LRPPRC: variants seen among roughly 807,000 people sequenced by gnomAD.
LRPPRC encodes the protein leucine-rich PPR motif-containing protein, mitochondrial.
Under a neutral mutation model 180.3 loss-of-function variants are expected in LRPPRC, and 120 were observed. The observed-to-expected ratio is 0.67, with a 90% confidence interval of 0.57 to 0.77. The LOEUF (loss-of-function observed/expected upper bound fraction) is 0.77. LRPPRC is among the 30% of genes least tolerant of loss of function. The pLI is 0.00. For missense variants in LRPPRC, 2,012 were observed against 1,657.2 expected (o/e 1.21, Z -3.72); for synonymous variants, 723 against 600.0 (o/e 1.21, Z -3.00).
chr2:43,977,970 G>A (rs1019066555), intron 3 of LRPPRC, among the ~76,000 whole-genome samples: 1 of 152,090 alleles, frequency 6.6e-6, no homozygotes, highest in African/African-American at 2.4e-5. Flanking sequence ...ACAGGCCTAT[G>A]GTTAGTATCT....
intron 14 of LRPPRC, among the ~76,000 whole-genome samples, chr2:43,953,281 G>C (rs1468256925): frequency 6.6e-6 from 1 of 152,142 alleles, no homozygotes; most frequent in Non-Finnish European, 1.5e-5. Context: ...CAAGTGCTCT[G>C]AATTAGGCAC....
intron 23 of LRPPRC, among the ~76,000 whole-genome samples, chr2:43,940,844 G>A (rs956768500): frequency 1.6e-4 from 25 of 151,870 alleles, no homozygotes; most frequent in African/African-American, 6.1e-4. Flanking sequence ...TTAATGTGAC[G>A]GATTGCTGTC....
chr2:43,936,932 T>A (rs137948113), intron 23 of LRPPRC, among the ~76,000 whole-genome samples: 6 of 152,338 alleles, frequency 3.9e-5, no homozygotes, highest in African/African-American at 1.4e-4. Context: ...CAGGTTCGGT[T>A]ATTGCCTTTC....
chr2:43,951,232 G>C (rs545297342), intron 14 of LRPPRC, among the ~76,000 whole-genome samples: 1 of 152,222 alleles, frequency 6.6e-6, no homozygotes, highest in Non-Finnish European at 1.5e-5. Flanking sequence ...GGGATAACTT[G>C]AAGCTGTAAC....
At chr2:43,993,452 G>A (rs752097720) in intron 1 of LRPPRC, among the ~76,000 whole-genome samples, 9 of 152,312 alleles carry the variant, frequency 5.9e-5, no homozygotes, top group East Asian at 1.9e-4. Flanking sequence ...TGTGACTGCA[G>A]TGGATAGGAA....
At chr2:43,967,906 T>G (rs1161721320) in intron 11 of LRPPRC, among the ~76,000 whole-genome samples, 1 of 152,208 alleles carries the variant, frequency 6.6e-6, no homozygotes, top group Non-Finnish European at 1.5e-5. Flanking sequence ...CACTGTGCTC[T>G]TCTTTATATG....
intron 34 of LRPPRC, among the ~76,000 whole-genome samples, chr2:43,898,768 A>C (rs1008366133): frequency 6.6e-6 from 1 of 152,228 alleles, no homozygotes; most frequent in Non-Finnish European, 1.5e-5. Context: ...TGAGTATTCA[A>C]GTGAGAAGCT....
chr2:43,989,204 C>G (rs1363459948), intron 1 of LRPPRC, among the ~76,000 whole-genome samples: 2 of 152,220 alleles, frequency 1.3e-5, no homozygotes, highest in African/African-American at 4.8e-5. Context: ...CTTTCTCCCT[C>G]TAAGAACTGA....
intron 1 of LRPPRC, among the ~76,000 whole-genome samples, chr2:43,994,797 C>T (rs1293604135): frequency 6.6e-6 from 1 of 152,188 alleles, no homozygotes; most frequent in African/African-American, 2.4e-5. Flanking sequence ...TTTCTTTTCC[C>T]CTCCACTACA....
intron 14 of LRPPRC, 61 bp downstream of exon 14, chr2:43,957,324 C>A: frequency 1.8e-6 from 2 of 1,141,972 alleles, no homozygotes; most frequent in South Asian, 2.5e-5. Context: ...TGCAATAAGT[C>A]AAAAGGACAG....
At chr2:43,990,799 C>T (rs566514466) in intron 1 of LRPPRC, among the ~76,000 whole-genome samples, 99 of 151,782 alleles carry the variant, frequency 6.5e-4, no homozygotes, top group Admixed American at 5.9e-3. Context: ...AGAGCAGAGG[C>T]CGAATGTTAC....
At chr2:43,922,269 TACACAGTTC>T (rs1368556986) in intron 27 of LRPPRC, among the ~76,000 whole-genome samples, 3 of 152,238 alleles carry the variant, frequency 2.0e-5, no homozygotes, top group Admixed American at 6.5e-5. Context: ...ATGTAAGACT[TACACAGTTC>T]CATGGGTGTT....
At chr2:43,936,382 T>C (rs1672279795) in intron 23 of LRPPRC, among the ~76,000 whole-genome samples, 1 of 152,184 alleles carries the variant, frequency 6.6e-6, no homozygotes, top group African/African-American at 2.4e-5. Context: ...AAAGAGAGTA[T>C]GAAAGGTATT....
chr2:43,943,856 C>T lies in LRPPRC; in HGVS notation c.2335G>A (p.Val779Ile), dbSNP rs1426071231. The change falls in exon 23 of 38, where the codon GTT (valine) becomes ATT (isoleucine). Residue 779 changes from valine to isoleucine, a missense_variant. Coordinates refer to ENST00000260665, the MANE Select transcript of LRPPRC (RefSeq NM_133259.4). Reference protein sequence around the residue: ...NILKEMKEKDVLIKDTTALSF... With the variant: ...NILKEMKEKDILIKDTTALSF... ...AAGGCTGTTGTATCTTTGATAAGAA[C>T]ATCCTTCTCTTTCATCTCCTTCAGA... The T allele has an allele frequency of 2.5e-6, 4 of 1,613,148 alleles. No homozygotes were observed. The highest frequency in any genetic ancestry group is 2.7e-5 in the African/African-American group (2 of 74,980).
intron 19 of LRPPRC, 58 bp downstream of exon 19, chr2:43,947,673 G>T (rs1284298123): frequency 6.1e-6 from 6 of 981,720 alleles, no homozygotes; most frequent in Admixed American, 5.1e-5. Flanking sequence ...ACACAATCCA[G>T]AATACTCATT....
In LRPPRC at chr2:43,974,228, T is replaced by C; in HGVS notation, c.1077A>G (p.Leu359=). The C allele has an allele frequency of 1.2e-6, 2 of 1,607,712 alleles. No individual in the cohort carries two copies. The highest frequency in any genetic ancestry group is 1.7e-6 in the Non-Finnish European group (2 of 1,174,158). Residue 359 remains leucine, a synonymous_variant, in exon 9 of 38, where the codon CTA becomes CTG. Transcript: ENST00000260665. The stretch of plus-strand genomic sequence containing the variant: ...CATCTTCCTTTGATACGGGGCATGC[T>C]AGTAAAATTTGCAACGCTACATCTT... The part of the protein sequence containing the change: ...KLEDVALQIL[L]ACPVSKEDGP...
chr2:43,977,455 A>C (rs1055612999), intron 3 of LRPPRC, among the ~76,000 whole-genome samples, 179 bp from the exon 4 acceptor site: 1 of 152,204 alleles, frequency 6.6e-6, no homozygotes, highest in East Asian at 1.9e-4. Flanking sequence ...CTAAGCATGT[A>C]AGACAGTAAT....
At chr2:43,994,806 CAA>C (rs1314936496) in intron 1 of LRPPRC, among the ~76,000 whole-genome samples, 9 of 152,346 alleles carry the variant, frequency 5.9e-5, no homozygotes, top group African/African-American at 2.2e-4. Context: ...CCCTCCACTA[CAA>C]AAGTCTATAC....
chr2:43,969,189 G>A (rs921329694), intron 11 of LRPPRC, among the ~76,000 whole-genome samples: 1 of 152,154 alleles, frequency 6.6e-6, no homozygotes, highest in African/African-American at 2.4e-5. Flanking sequence ...GAGGCGGGTG[G>A]ATCACAAGGT....
Sources: gnomAD v4.1 joint callset for allele counts (sites outside exome capture counted in the v4.1 genomes callset) on GRCh38, gnomAD v4.1.1 for gene constraint, MANE v1.5 for transcripts, NCBI Gene and HGNC (gene_info 2026-07-23, HGNC 2026-07-21) for gene names.